NR2F2: variants seen among roughly 807,000 people sequenced by gnomAD.
The protein encoded by NR2F2 is nuclear receptor subfamily 2 group F member 2.
A neutral mutation model predicts 34.8 loss-of-function variants in NR2F2; 2 were observed. The ratio of observed to expected loss-of-function variants is 0.06; its 90% confidence interval spans 0.02 to 0.18. The LOEUF is 0.18. Among genes scored for constraint, NR2F2 ranks in the 10% least tolerant of loss-of-function variants. NR2F2 has a pLI of 1.00. For missense variants in NR2F2, 300 were observed against 580.1 expected, an observed-to-expected ratio of 0.52 and a Z score of 4.96; for synonymous variants, 274 against 251.8, an observed-to-expected ratio of 1.09 and a Z score of -0.84.
chr15:96,338,183 G>A lies in NR2F2; in HGVS notation c.*561G>A, dbSNP rs1899391009. The A allele has an allele frequency of 6.6e-6, 1 of 152,582 alleles. No individual in the cohort carries two copies. The highest frequency in any genetic ancestry group is 2.4e-5 in the African/African-American group (1 of 41,396). 9.5% of individuals were successfully genotyped at this position (152,582 alleles called of 1,614,324 possible). On this transcript the variant is annotated 3_prime_UTR_variant, in exon 3 of 3. Transcript: ENST00000394166. Reference sequence around the variant, plus strand: ...AAACTGAGTCCATGAAAATACCATAGGAAGACATAAAACTTTAAAAGGCAA... The same window carrying A: ...AAACTGAGTCCATGAAAATACCATAAGAAGACATAAAACTTTAAAAGGCAA...
chr15:96,338,652 T>G lies in NR2F2; in HGVS notation c.*1030T>G, dbSNP rs1322784331. The G allele has an allele frequency of 6.6e-6, 1 of 152,602 alleles. No homozygotes were observed. Among genetic ancestry groups the G allele is most frequent in the Non-Finnish European group, 1.5e-5 (1 of 68,038 alleles). 9.5% of individuals were successfully genotyped at this position (152,602 alleles called of 1,614,324 possible). A position where few individuals can be genotyped will look rare whatever the true frequency, so the allele number is the denominator to read the frequency against. ...GTGATTGATTCAGTATCTTAGAGTT[T>G]ACAGTTTGTGTTTTAAAAAAACTGA... On this transcript the variant is annotated 3_prime_UTR_variant, in exon 3 of 3. Coordinates refer to ENST00000394166, the MANE Select transcript of NR2F2 (RefSeq NM_021005.4).
chr15:96,331,049 GGCGGCAGCAGCAGCAGCA>G lies in NR2F2; in HGVS notation c.-1051_-1034del. On this transcript the variant is annotated 5_prime_UTR_variant, in exon 1 of 3. Coordinates refer to ENST00000394166, the MANE Select transcript of NR2F2 (RefSeq NM_021005.4). ...TCTTTCCCTATGTGTGTGAGGCGGC[GGCGGCAGCAGCAGCAGCA>G]GCGGCTCCGGCGGCGGCAGCAGCGG... The G allele has an allele frequency of 1.6e-6, 2 of 1,242,630 alleles. No homozygotes were observed. The highest frequency in any genetic ancestry group is 1.0e-6 in the Non-Finnish European group (1 of 997,694). The allele number at this position is 1,242,630 out of a possible 1,614,324, so 77.0% of individuals were successfully genotyped here. A position where few individuals can be genotyped will look rare whatever the true frequency, so the allele number is the denominator to read the frequency against.
intron 2 of NR2F2, among the ~76,000 whole-genome samples, chr15:96,335,092 A>T (rs1386357929): frequency 1.3e-5 from 2 of 152,274 alleles, no homozygotes; most frequent in African/African-American, 4.8e-5. Context: ...AGGCAAATCC[A>T]ACCTGAGGGC....
At position 96,332,386 on chromosome 15, in the gene NR2F2, T is replaced by A; in HGVS notation, c.281T>A (p.Phe94Tyr). The change falls in exon 1 of 3, where the codon TTC (phenylalanine) becomes TAC (tyrosine). Residue 94 changes from phenylalanine to tyrosine, a missense_variant. Phe to Tyr is a conservative substitution (Grantham distance 22). Transcript: ENST00000394166. The part of the protein sequence containing the change: ...DKSSGKHYGQ[F>Y]TCEGCKSFFK... ...TCGAGCGGCAAGCACTACGGCCAGTTCACGTGCGAGGGCTGCAAGAGCTTC... is the reference window on the plus strand; with the variant it reads ...TCGAGCGGCAAGCACTACGGCCAGTACACGTGCGAGGGCTGCAAGAGCTTC... 6.2e-7 allele frequency: 1 copy of A among 1,613,690 alleles called. No homozygotes were observed. Among genetic ancestry groups the A allele is most frequent in the Non-Finnish European group, 8.5e-7 (1 of 1,179,814 alleles).
rs867022143 is a variant in NR2F2 at position 96,331,806 on chromosome 15, C to T, written c.-300C>T. 1 of 1,203,366 alleles carries T rather than the reference C, an allele frequency of 8.3e-7. No homozygotes were observed. 74.5% of individuals were successfully genotyped at this position (1,203,366 alleles called of 1,614,324 possible). ...ACTCGCTCTCCTGTCCCCTTCCCCT[C>T]CCCTCCCGGCGGAAAGCCCCCCGAA... On this transcript the variant is annotated 5_prime_UTR_variant, in exon 1 of 3. Coordinates refer to ENST00000394166, the MANE Select transcript of NR2F2 (RefSeq NM_021005.4).
intron 2 of NR2F2, among the ~76,000 whole-genome samples, chr15:96,336,095 G>T (rs1235828087): frequency 6.6e-6 from 1 of 152,166 alleles, no homozygotes; most frequent in Non-Finnish European, 1.5e-5. Flanking sequence ...GACGATGGAG[G>T]TAGTCGTTAA....
In NR2F2 at chr15:96,331,556, C is replaced by T. The variant is rs1899142260; in HGVS notation, c.-550C>T. On this transcript the variant is annotated 5_prime_UTR_variant, in exon 1 of 3. Coordinates refer to ENST00000394166, the MANE Select transcript of NR2F2 (RefSeq NM_021005.4). Reference sequence around the variant, plus strand: ...GCCTCTCCTCCTCCTCTACCTCCTCCTTCACCACCACCTCCTCTTCCTCCT... The same window carrying T: ...GCCTCTCCTCCTCCTCTACCTCCTCTTTCACCACCACCTCCTCTTCCTCCT... The T allele has an allele frequency of 5.7e-6, 7 of 1,227,296 alleles. No homozygotes were observed. The highest frequency in any genetic ancestry group is 4.3e-5 in the Admixed American group (1 of 23,414). The allele number at this position is 1,227,296 out of a possible 1,614,324, so 76.0% of individuals were successfully genotyped here.
chr15:96,336,914 C>G (rs1364001967), intron 2 of NR2F2, among the ~76,000 whole-genome samples: 1 of 152,082 alleles, frequency 6.6e-6, no homozygotes, highest in Non-Finnish European at 1.5e-5. Flanking sequence ...ACCCCCAACC[C>G]CCAACCCCTA....
At position 96,330,978 on chromosome 15, in the gene NR2F2, T is replaced by A; in HGVS notation, c.-1128T>A. 8.3e-7 allele frequency: 1 copy of A among 1,198,182 alleles called. No homozygotes were observed. Among genetic ancestry groups the A allele is most frequent in the South Asian group, 4.2e-5 (1 of 23,990 alleles). The allele number at this position is 1,198,182 out of a possible 1,614,324, so 74.2% of individuals were successfully genotyped here. ...TGTGCTTCTAGGTGGTGATCTGCCCTCCTCTCTCTCTTTTATCATTTCTCC... is the reference window on the plus strand; with the variant it reads ...TGTGCTTCTAGGTGGTGATCTGCCCACCTCTCTCTCTTTTATCATTTCTCC... On this transcript the variant is annotated 5_prime_UTR_variant, in exon 1 of 3. Coordinates refer to ENST00000394166, the MANE Select transcript of NR2F2 (RefSeq NM_021005.4).
chr15:96,336,572 C>T (rs1177470215), intron 2 of NR2F2, among the ~76,000 whole-genome samples: 1 of 151,484 alleles, frequency 6.6e-6, no homozygotes, highest in African/African-American at 2.4e-5. Context: ...ATTTCAAAGG[C>T]ACTTACTGTA....
upstream of NR2F2, chr15:96,326,207 G>A (rs1898978566): frequency 2.1e-6 from 2 of 954,558 alleles, no homozygotes; most frequent in South Asian, 2.6e-5. The surrounding 1 kb of genome is among the most constrained non-coding windows in gnomAD (Gnocchi z 5.5). Flanking sequence ...ACACCGAGGA[G>A]GAGATTCTCT....
At chr15:96,332,755 C>A in intron 1 of NR2F2, 1 of 1,148,956 alleles carries the variant, frequency 8.7e-7, no homozygotes, top group South Asian at 1.8e-5. Context: ...TCTTTACTCT[C>A]TCTTTGGGCT....
At chr15:96,333,263 C>A (rs992767986) in intron 1 of NR2F2, 1 of 874,292 alleles carries the variant, frequency 1.1e-6, no homozygotes, top group African/African-American at 1.8e-5. Flanking sequence ...ATGGCGCGCT[C>A]GGCGCGGGGC....
At chr15:96,329,196 G>A (rs1447146770), upstream of NR2F2, among the ~76,000 whole-genome samples, 1 of 152,102 alleles carries the variant, frequency 6.6e-6, no homozygotes, top group African/African-American at 2.4e-5. Flanking sequence ...TTGGTGCAAA[G>A]TGTGTACAAA....
rs1314446351 is a variant in NR2F2 at position 96,333,870 on chromosome 15, C to T, written c.443-206C>T. The T allele has an allele frequency of 3.5e-6, 5 of 1,430,390 alleles. No homozygotes were observed. In the African/African-American group the frequency reaches 5.7e-5, roughly 16 times the overall value. 88.6% of individuals were successfully genotyped at this position (1,430,390 alleles called of 1,614,324 possible). A position where few individuals can be genotyped will look rare whatever the true frequency, so the allele number is the denominator to read the frequency against. ...GCGGGCCTCGGAGGCAAGTGTGCCC[C>T]TCTGGCCCTCAGAGCTCGCCTGGGT... On this transcript the variant is annotated intron_variant, in intron 1 of 2. Transcript: ENST00000394166.
At chr15:96,326,925 G>C (rs1899005573), upstream of NR2F2, 1 of 153,296 alleles carries the variant, frequency 6.5e-6, no homozygotes, top group South Asian at 2.1e-4. The surrounding 1 kb of genome is among the most constrained non-coding windows in gnomAD (Gnocchi z 5.5). Context: ...GGTTAAGCTA[G>C]GAGGAGAATC....
At chr15:96,330,598 G>T (rs1017248458), upstream of NR2F2, 2 of 151,664 alleles carry the variant, frequency 1.3e-5, no homozygotes, top group African/African-American at 4.8e-5. Context: ...GGCCAACCCC[G>T]GCTGCTGCCT....
rs1265182135 is a variant in NR2F2 at position 96,330,828 on chromosome 15, G to A, written c.-1278G>A. 1.7e-6 allele frequency: 2 copies of A among 1,147,086 alleles called. No homozygotes were observed. The highest frequency in any genetic ancestry group is 2.1e-6 in the Non-Finnish European group (2 of 931,754). 71.1% of individuals were successfully genotyped at this position (1,147,086 alleles called of 1,614,324 possible). On this transcript the variant is annotated 5_prime_UTR_variant, in exon 1 of 3. The change creates a new upstream start codon in the 5' untranslated region. Coordinates refer to ENST00000394166, the MANE Select transcript of NR2F2 (RefSeq NM_021005.4). Reference sequence around the variant, plus strand: ...GCGGTGTGTGTGTGCGTGCGCGCGTGTGTGTTTTCTTCTTCTCCTCCTCCT... The same window carrying A: ...GCGGTGTGTGTGTGCGTGCGCGCGTATGTGTTTTCTTCTTCTCCTCCTCCT...
chr15:96,330,400 TCGGCGGCGGCGG>T (rs560453342), upstream of NR2F2, among the ~76,000 whole-genome samples: 1 of 143,398 alleles, frequency 7.0e-6, no homozygotes, highest in African/African-American at 2.6e-5. Context: ...CATCCCCCTC[TCGGCGGCGGCGG>T]CGGCGGCGGC....
Sources: gnomAD v4.1 joint callset for allele counts (sites outside exome capture counted in the v4.1 genomes callset) on GRCh38, gnomAD v4.1.1 for gene constraint, Gnocchi (gnomAD v3.1) non-coding constraint, MANE v1.5 for transcripts, NCBI Gene and HGNC (gene_info 2026-07-23, HGNC 2026-07-21) for gene names.